The following CEP72 variants were observed in gnomAD, a reference collection of about 807,000 sequenced individuals.
The protein encoded by CEP72 is centrosomal protein of 72 kDa.
CEP72 carries 78 observed loss-of-function variants against 65.7 expected under a neutral mutation model. The ratio of observed to expected loss-of-function variants is 1.19; its 90% CI spans 0.99 to 1.43. The LOEUF is 1.43. CEP72 is among the 40% of genes most tolerant of loss of function. The probability of loss-of-function intolerance (pLI) is 0.00; values close to 1 mark genes in which losing one functional copy is unlikely to be tolerated. For missense variants in CEP72, 914 were observed against 832.9 expected, an observed-to-expected ratio of 1.10 and a Z score of -1.20; for synonymous variants, 358 against 351.7, an observed-to-expected ratio of 1.02 and a Z score of -0.20.
chr5:635,326 CT>C (rs1193027198), intron 5 of CEP72, 45 bp from the exon 6 acceptor site: 1 of 1,414,678 alleles, frequency 7.1e-7, no homozygotes, highest in Admixed American at 2.0e-5. Context: ...TGGAATAAAA[CT>C]TTTACAATGT....
At chr5:666,243 G>T in intron 4 of CEP72, 1 of 1,190,902 alleles carries the variant, frequency 8.4e-7, no homozygotes, top group Non-Finnish European at 1.2e-6. Context: ...TTCACCCACA[G>T]GCGGCCGCCC....
At chr5:615,511 T>TA (rs1735939123) in intron 1 of CEP72, among the ~76,000 whole-genome samples, 1 of 152,198 alleles carries the variant, frequency 6.6e-6, no homozygotes, top group Non-Finnish European at 1.5e-5. Context: ...CGGTAGCTTC[T>TA]TTTGATTGGT....
rs1343332846 is a variant in CEP72, at chr5:653,087, G to C, written c.1878G>C (p.Glu626Asp). 1.9e-6 allele frequency: 3 copies of C among 1,613,758 alleles called. No individual in the cohort carries two copies. Among genetic ancestry groups the C allele is most frequent in the Admixed American group, 1.7e-5 (1 of 60,018 alleles). Reference protein sequence around the residue: ...EVEQMHWSYQELKKTMALFPH... With the variant: ...EVEQMHWSYQDLKKTMALFPH... ...AGCAGATGCACTGGAGCTACCAGGA[G>C]CTCAAGAAGACCATGGCCCTGTTTC... is the stretch of plus-strand genomic sequence containing the variant. Residue 626 changes from glutamate to aspartate, a missense_variant, in exon 12 of 12, where the codon GAG (glutamate) becomes GAC (aspartate). By Grantham distance (45) the Glu-to-Asp change is conservative. Transcript: ENST00000264935.
At chr5:675,485 GGTACATT>G in the CEP72 span, among the ~76,000 whole-genome samples, 1 of 142,428 alleles carries the variant, frequency 7.0e-6, no homozygotes, top group African/African-American at 2.7e-5. Context: ...TGTGGCCAGG[GGTACATT>G]GTGGCCGGGG....
intron 11 of CEP72, among the ~76,000 whole-genome samples, chr5:650,323 G>A (rs1738916756): frequency 7.1e-5 from 9 of 127,206 alleles, no homozygotes; most frequent in Admixed American, 1.5e-4. Context: ...TGTGAGGCGT[G>A]GACTGTGAGG....
At chr5:651,394 TGA>T (rs1739077877) in intron 11 of CEP72, among the ~76,000 whole-genome samples, 1 of 151,760 alleles carries the variant, frequency 6.6e-6, no homozygotes, top group African/African-American at 2.4e-5. Context: ...AGGTGTGGAC[TGA>T]GAGTTGTGGA....
At chr5:671,165 C>T (rs974317829), downstream of CEP72, among the ~76,000 whole-genome samples, 6 of 152,100 alleles carry the variant, frequency 3.9e-5, no homozygotes, top group Admixed American at 6.5e-5. Context: ...CTGGGATCAG[C>T]GCACTGTCTC....
At chr5:616,929 C>T (rs1736032452) in intron 1 of CEP72, among the ~76,000 whole-genome samples, 3 of 140,298 alleles carry the variant, frequency 2.1e-5, no homozygotes, top group East Asian at 2.1e-4. Flanking sequence ...GGGGTGTGTG[C>T]GTGTGTGTAT....
At chr5:644,051 TCA>T in intron 9 of CEP72, 1 of 445,138 alleles carries the variant, frequency 2.2e-6, no homozygotes, top group Non-Finnish European at 4.1e-6. Context: ...AGTGGGGCTC[TCA>T]CAGGACTGGG....
chr5:663,260 C>T (rs549319895), intron 1 of CEP72: 3 of 152,426 alleles, frequency 2.0e-5, no homozygotes, highest in African/African-American at 4.8e-5. Context: ...CAAATGTTTC[C>T]GCACGTTAGT....
At position 633,779 on chromosome 5, in the gene CEP72, C is replaced by G; in HGVS notation, c.523C>G (p.Pro175Ala). 6.2e-7 allele frequency: 1 copy of G among 1,614,040 alleles called. No homozygotes were observed. Among genetic ancestry groups the G allele is most frequent in the South Asian group, 1.1e-5 (1 of 91,086 alleles). Residue 175 changes from proline to alanine, a missense_variant, in exon 5 of 12, where the codon CCC becomes GCC. Physicochemically the swap from Pro to Ala is conservative, Grantham distance 27. Transcript: ENST00000264935. ...TGCTTTTCCTTACAGACCACACCACCCCAGAGCCAAGTGCACCGAGGCCTT... is the reference window on the plus strand; with the variant it reads ...TGCTTTTCCTTACAGACCACACCACGCCAGAGCCAAGTGCACCGAGGCCTT... ...ASLKEGRPHH[P>A]RAKCTEALAK...
chr5:669,804 G>C (rs971176071), downstream of CEP72, among the ~76,000 whole-genome samples: 1 of 151,986 alleles, frequency 6.6e-6, no homozygotes, highest in East Asian at 1.9e-4. Flanking sequence ...AGACCCGGGT[G>C]CCCCCCGCCT....
Position 640,354 on chromosome 5 carries a change from A to G in CEP72, c.1343-54A>G, listed in dbSNP as rs2126793647. 7 of 1,570,140 alleles carry G rather than the reference A, an allele frequency of 4.5e-6. 1 individual carries two copies. In the South Asian group the frequency reaches 8.3e-5, roughly 19 times the overall value. On this transcript the variant is annotated intron_variant, in intron 8 of 11. Transcript: ENST00000264935. ...AAAACATACTGAGCCGATTTTGTTT[A>G]CATTTCATCCTTTAAGCCTAAGTGC... is the stretch of plus-strand genomic sequence containing the variant.
At chr5:628,048 C>T (rs1316547449) in intron 4 of CEP72, among the ~76,000 whole-genome samples, 1 of 152,214 alleles carries the variant, frequency 6.6e-6, no homozygotes, top group African/African-American at 2.4e-5. Context: ...CTCTTTATAC[C>T]ACACGCGACT....
chr5:624,550 G>A lies in CEP72; in HGVS notation c.483G>A (p.Glu161=), dbSNP rs1020964964. 8 of 1,613,446 alleles carry A rather than the reference G, an allele frequency of 5.0e-6. No individual in the cohort carries two copies. In the African/African-American group the frequency reaches 9.3e-5, roughly 19 times the overall value. Residue 161 remains glutamate, a synonymous_variant, in exon 4 of 12, where the codon GAG becomes GAA. Coordinates refer to ENST00000264935, the MANE Select transcript of CEP72 (RefSeq NM_018140.4). The surrounding 1 kb of genome is among the most constrained non-coding windows in gnomAD (Gnocchi z 4.7). ...FASEDSLDSK[E]SVPASLKEGR... ...CAGAGGACTCACTCGACTCCAAAGA[G>A]AGCGTCCCAGCTTCTTTGAAAGAGG...
At position 624,503 on chromosome 5, in the gene CEP72, G is replaced by T. The variant is rs769023906; in HGVS notation, c.436G>T (p.Ala146Ser). The change falls in exon 4 of 12, where the codon GCT becomes TCT. Residue 146 changes from alanine to serine, a missense_variant. Coordinates refer to ENST00000264935, the MANE Select transcript of CEP72 (RefSeq NM_018140.4). This position sits in a 1 kb window ranked among gnomAD's most constrained non-coding sequence, Gnocchi z 4.7. ...CCCCGTGAGAGCAAGCGAGCGGAAG[G>T]CTTCCCGACTGCATTTTGCATCAGA... ...DRPVRASERK[A>S]SRLHFASEDS... 1 of 1,614,222 alleles carries T rather than the reference G, an allele frequency of 6.2e-7. No individual in the cohort carries two copies. The highest frequency in any genetic ancestry group is 1.1e-5 in the South Asian group (1 of 91,088).
At chr5:648,219 G>C (rs551054757) in intron 11 of CEP72, among the ~76,000 whole-genome samples, 1 of 150,734 alleles carries the variant, frequency 6.6e-6, no homozygotes, top group Non-Finnish European at 1.5e-5. Context: ...AGATGGGACT[G>C]TGAGGTATGT....
intron 2 of CEP72, chr5:664,826 G>T (rs1002994767): frequency 2.1e-6 from 1 of 468,302 alleles, no homozygotes; most frequent in Non-Finnish European, 3.9e-6. Context: ...GCCCAGTGTG[G>T]TGTGATCCGC....
intron 4 of CEP72, among the ~76,000 whole-genome samples, chr5:626,327 T>C (rs1342151628): frequency 6.6e-6 from 1 of 152,228 alleles, no homozygotes; most frequent in Admixed American, 6.5e-5. Flanking sequence ...TGGGAGAGCA[T>C]CTGGTTTCCA....
Sources: allele counts gnomAD v4.1 joint callset (sites outside exome capture counted in the v4.1 genomes callset), GRCh38; gene constraint gnomAD v4.1.1; non-coding constraint Gnocchi (gnomAD v3.1); transcripts MANE v1.5; gene names NCBI Gene and HGNC (gene_info 2026-07-23, HGNC 2026-07-21).